MS4A8: variants seen among roughly 807,000 people sequenced by gnomAD.
MS4A8 encodes the protein membrane spanning 4-domains A8, also known as membrane-spanning 4-domains subfamily A member 8.
MS4A8 carries 27 observed loss-of-function variants against 23.7 expected under a neutral mutation model. That is an observed-to-expected ratio of 1.14 (90% CI 0.84 to 1.57). MS4A8 has a LOEUF of 1.57. MS4A8 is among the 40% of genes most tolerant of loss of function. MS4A8 has a pLI of 0.00. For synonymous variants in MS4A8, 138 were observed against 126.3 expected (o/e 1.09, Z -0.62); for missense variants, 301 against 311.4 (o/e 0.97, Z 0.25).
At chr11:60,709,620 G>GTTGCTGAATAGAACAGGGCAGC (rs2088284673) in intron 5 of MS4A8, among the ~76,000 whole-genome samples, 1 of 152,166 alleles carries the variant, frequency 6.6e-6, no homozygotes, top group Non-Finnish European at 1.5e-5. Context: ...GGGAATTGTG[G>GTTGCTGAATAGAACAGGGCAGC]TTGCTGAATA....
intron 4 of MS4A8, 116 bp downstream of exon 4, chr11:60,707,163 A>G: frequency 3.1e-6 from 3 of 958,356 alleles, no homozygotes; most frequent in East Asian, 2.4e-5. Context: ...CTATAACCAG[A>G]CACACGGTGC....
At chr11:60,714,259 A>T (rs751659265) in intron 5 of MS4A8, among the ~76,000 whole-genome samples, 2 of 151,830 alleles carry the variant, frequency 1.3e-5, no homozygotes, top group African/African-American at 4.9e-5. Flanking sequence ...GCCTTCAAGC[A>T]TTTGTTTAAC....
At chr11:60,699,945 G>A (rs1299777787) in intron 1 of MS4A8, among the ~76,000 whole-genome samples, 170 bp downstream of exon 1, 1 of 152,196 alleles carries the variant, frequency 6.6e-6, no homozygotes, top group African/African-American at 2.4e-5. Context: ...CATGGAGGGG[G>A]ATGGGAGAAA....
intron 4 of MS4A8, among the ~76,000 whole-genome samples, chr11:60,707,812 C>CTTTTTTTT (rs5792195): frequency 6.3e-4 from 35 of 55,154 alleles, no homozygotes; most frequent in South Asian, 8.9e-4. Context: ...TTTTCTTTTT[C>CTTTTTTTT]TTTTTTTTTT....
chr11:60,710,554 C>T (rs187490221), intron 5 of MS4A8, among the ~76,000 whole-genome samples: 93 of 152,296 alleles, frequency 6.1e-4, no homozygotes, highest in African/African-American at 2.1e-3. Flanking sequence ...TCTACTCCCA[C>T]GCTGGCCTGA....
chr11:60,709,912 A>G (rs1026408831), intron 5 of MS4A8, among the ~76,000 whole-genome samples: 12 of 152,182 alleles, frequency 7.9e-5, no homozygotes, highest in African/African-American at 2.9e-4. Flanking sequence ...ACAAATTCTT[A>G]AAAGAATTGT....
At position 60,708,777 on chromosome 11, in the gene MS4A8, G is replaced by T. The variant is rs757007792; in HGVS notation, c.530G>T (p.Gly177Val). Residue 177 changes from glycine (G) to valine (V), a missense_variant, in exon 5 of 7, where the codon GGT (glycine) becomes GTT (valine). Transcript: ENST00000300226. Reference protein sequence around the residue: ...AYPDYYPYAWGVNPGMAISGV... With the variant: ...AYPDYYPYAWVVNPGMAISGV... ...CCCGACTATTATCCTTACGCCTGGG[G>T]TGTGGTGAGTATCCCTCTCAACCAA... 5.0e-6 allele frequency: 8 copies of T among 1,613,998 alleles called. No individual in the cohort carries two copies.
intron 4 of MS4A8, 140 bp downstream of exon 4, chr11:60,707,187 C>A: frequency 1.2e-6 from 1 of 821,918 alleles, no homozygotes; most frequent in African/African-American, 1.7e-5. Context: ...CACACATTCC[C>A]GCTCATACAG....
intron 1 of MS4A8, among the ~76,000 whole-genome samples, chr11:60,700,085 T>C (rs2088188381): frequency 6.6e-6 from 1 of 152,242 alleles, no homozygotes; most frequent in Non-Finnish European, 1.5e-5. Flanking sequence ...ATAATCTCCA[T>C]TTAACTAATA....
intron 3 of MS4A8, 34 bp from the exon 4 acceptor site, chr11:60,706,954 G>T: frequency 2.5e-6 from 4 of 1,605,076 alleles, no homozygotes; most frequent in Non-Finnish European, 3.4e-6. Flanking sequence ...CCTAGCCCCT[G>T]ACCTCTTTCT....
chr11:60,704,470 A>C (rs2088235614), intron 3 of MS4A8, among the ~76,000 whole-genome samples: 1 of 152,140 alleles, frequency 6.6e-6, no homozygotes, highest in African/African-American at 2.4e-5. Flanking sequence ...ACATGTAAAA[A>C]ATACACTGGG....
intron 5 of MS4A8, chr11:60,712,010 TA>T: frequency 2.0e-5 from 5 of 248,416 alleles, no homozygotes; most frequent in Non-Finnish European, 4.0e-5. Context: ...TTTCATCAAA[TA>T]AAAAAAATCT....
At chr11:60,704,859 A>ACAT (rs2088241496) in intron 3 of MS4A8, among the ~76,000 whole-genome samples, 1 of 82,838 alleles carries the variant, frequency 1.2e-5, no homozygotes, top group African/African-American at 4.7e-5. Context: ...CATACAAACA[A>ACAT]ACACACATAC....
At chr11:60,701,326 G>T (rs778771770) in intron 2 of MS4A8, 8 of 611,532 alleles carry the variant, frequency 1.3e-5, no homozygotes, top group African/African-American at 3.6e-5. Context: ...AAAGCAGCAC[G>T]CTTGAAGGTT....
rs780090884 is a variant in MS4A8, at chr11:60,703,440, C to T, written c.282C>T (p.Leu94=). ...TCGGCTCCATCATGGCGACGGTTCT[C>T]GTAGGGGAATACCTGTCTATTTCAT... is the stretch of plus-strand genomic sequence containing the variant. ...IGLGSIMATV[L]VGEYLSISFY... is the part of the protein sequence containing the mutation. Residue 94 remains leucine (L), a synonymous_variant, in exon 3 of 7, where the codon CTC becomes CTT. Transcript: ENST00000300226. 6 of 1,607,548 alleles carry T rather than the reference C, an allele frequency of 3.7e-6. No individual in the cohort carries two copies. Among genetic ancestry groups the T allele is most frequent in the South Asian group, 3.3e-5 (3 of 89,762 alleles).
Position 60,715,506 on chromosome 11 carries a change from C to A in MS4A8, c.*92C>A. 2 of 924,916 alleles carry A rather than the reference C, an allele frequency of 2.2e-6. No homozygotes were observed. Among genetic ancestry groups the A allele is most frequent in the Non-Finnish European group, 3.4e-6 (2 of 591,098 alleles). 57.3% of individuals were successfully genotyped at this position (924,916 alleles called of 1,614,324 possible). ...ATAACCCAGGTCGTTCCTGTTCTGA[C>A]AGCTGAGGAAACGTCTCTCCCACTG... On this transcript the variant is annotated 3_prime_UTR_variant, in exon 7 of 7. Transcript: ENST00000300226.
chr11:60,704,883 TACAC>T (rs142872210), intron 3 of MS4A8, among the ~76,000 whole-genome samples: 1 of 142,216 alleles, frequency 7.0e-6, no homozygotes, highest in Non-Finnish European at 1.5e-5. Flanking sequence ...CACACACACA[TACAC>T]ACACACACTC....
In MS4A8 at chr11:60,701,024, CG is replaced by C; in HGVS notation, c.165del (p.Asn56MetfsTer2). On this transcript the variant is annotated frameshift_variant, in exon 2 of 7. Coordinates refer to ENST00000300226, the MANE Select transcript of MS4A8 (RefSeq NM_031457.2). LOFTEE classifies it high-confidence loss of function. ...LVPGNPPSLV[S>X]NVNGQPVQKA... Reference sequence around the variant, plus strand: ...CCTGGGAACCCACCTAGTTTGGTGTCGAATGTGAATGGGCAGCCTGTGCAGA... The same window carrying C: ...CCTGGGAACCCACCTAGTTTGGTGTCAATGTGAATGGGCAGCCTGTGCAGA... The C allele has an allele frequency of 6.2e-7, 1 of 1,614,030 alleles. No individual in the cohort carries two copies. The highest frequency in any genetic ancestry group is 8.5e-7 in the Non-Finnish European group (1 of 1,180,032).
chr11:60,706,952 CT>C (rs1470533221), intron 3 of MS4A8, 35 bp from the exon 4 acceptor site: 1 of 1,602,120 alleles, frequency 6.2e-7, no homozygotes, highest in African/African-American at 1.3e-5. Context: ...ACCCTAGCCC[CT>C]GACCTCTTTC....
Sources: gnomAD v4.1 joint callset for allele counts (sites outside exome capture counted in the v4.1 genomes callset) on GRCh38, gnomAD v4.1.1 for gene constraint, MANE v1.5 for transcripts, NCBI Gene and HGNC (gene_info 2026-07-23, HGNC 2026-07-21) for gene names.